Variants in DACH2 observed in about 807,000 individuals in gnomAD.
The protein encoded by DACH2 is dachshund homolog 2.
DACH2 carries 17 observed loss-of-function variants against 35.8 expected under a neutral mutation model. The ratio of observed to expected loss-of-function variants is 0.48; its 90% CI spans 0.33 to 0.71. DACH2 has a LOEUF of 0.71. DACH2 is among the 30% of genes least tolerant of loss of function. The pLI is 0.02. For missense variants in DACH2, 469 were observed against 472.7 expected, an observed-to-expected ratio of 0.99 and a Z score of 0.07; for synonymous variants, 195 against 177.3, an observed-to-expected ratio of 1.10 and a Z score of -0.79.
At chrX:86,433,433 A>G (rs1265907302) in intron 2 of DACH2, among the ~76,000 whole-genome samples, 3 of 111,877 alleles carry the variant, frequency 2.7e-5, no homozygotes, top group Admixed American at 9.6e-5. Flanking sequence ...TCCAAACAAA[A>G]TAATGTCCAG....
intron 1 of DACH2, among the ~76,000 whole-genome samples, chrX:86,274,276 T>C (rs1237745759): frequency 2.7e-5 from 3 of 110,053 alleles, no homozygotes; most frequent in Non-Finnish European, 5.7e-5. Flanking sequence ...TTGAACAAGA[T>C]AGGAAGCAAT....
chrX:86,244,249 A>T (rs1198140542), intron 1 of DACH2, among the ~76,000 whole-genome samples: 1 of 112,099 alleles, frequency 8.9e-6, no homozygotes, highest in African/African-American at 3.2e-5. Context: ...TGAACAGGGG[A>T]CAAAAGCCTT....
intron 2 of DACH2, among the ~76,000 whole-genome samples, chrX:86,437,995 T>A (rs999677740): frequency 9.1e-6 from 1 of 109,774 alleles, no homozygotes; most frequent in African/African-American, 3.3e-5. Flanking sequence ...CTAAGCCTAG[T>A]ACCCAATAGT....
At chrX:86,593,666 A>T (rs1303590060) in intron 3 of DACH2, among the ~76,000 whole-genome samples, 1 of 110,351 alleles carries the variant, frequency 9.1e-6, no homozygotes, top group Non-Finnish European at 1.9e-5. Context: ...ACCTCAAGTC[A>T]TCTGCCCGCC....
intron 1 of DACH2, among the ~76,000 whole-genome samples, chrX:86,336,996 A>G (rs2035323689): frequency 9.2e-6 from 1 of 109,059 alleles, no homozygotes. Context: ...GATCAACTTA[A>G]TGAAATAAAG....
At chrX:86,237,807 C>A (rs932625275) in intron 1 of DACH2, among the ~76,000 whole-genome samples, 2 of 111,826 alleles carry the variant, frequency 1.8e-5, no homozygotes, top group Non-Finnish European at 1.9e-5. Context: ...TGTGGCTGAA[C>A]CAGGCCTAAC....
intron 2 of DACH2, among the ~76,000 whole-genome samples, chrX:86,512,580 A>G (rs1444968291): frequency 1.8e-5 from 2 of 112,147 alleles, no homozygotes; most frequent in African/African-American, 6.5e-5. Context: ...TGGAGATAGC[A>G]CTGAGATGTT....
rs181341768 is a variant in DACH2 at position 86,166,566 on chromosome X, G to A, written c.488+17458G>A. On this transcript the variant is annotated intron_variant, in intron 1 of 11. Transcript: ENST00000373125. ...TGGCTGCCCTTTATATTTTTCTCTT[G>A]TCTGATTGCTCTAGCTAGGCCTTCC... Among the ~76,000 whole-genome samples, 391 of 110,524 alleles carry A rather than the reference G, an allele frequency of 3.5e-3. 1 individual carries two copies. Among genetic ancestry groups the A allele is most frequent in the African/African-American group, 0.012 (376 of 30,552 alleles).
intron 2 of DACH2, among the ~76,000 whole-genome samples, chrX:86,378,581 T>C (rs561488947): frequency 4.5e-5 from 5 of 111,046 alleles, no homozygotes; most frequent in African/African-American, 1.6e-4. Context: ...CATGAAATTC[T>C]CCAATTCTTA....
At chrX:86,523,257 G>A in intron 3 of DACH2, among the ~76,000 whole-genome samples, 1 of 111,313 alleles carries the variant, frequency 9.0e-6, no homozygotes, top group Non-Finnish European at 1.9e-5. Flanking sequence ...ATCTAGTGTT[G>A]ACAGTGTGAA....
intron 1 of DACH2, among the ~76,000 whole-genome samples, chrX:86,154,619 C>CT (rs1054823170): frequency 5.4e-5 from 6 of 111,703 alleles, no homozygotes; most frequent in African/African-American, 1.9e-4. Flanking sequence ...CTCTTTTACA[C>CT]TTTTTTCCAT....
At chrX:86,515,622 G>C (rs1178378830) in intron 3 of DACH2, among the ~76,000 whole-genome samples, 4 of 112,007 alleles carry the variant, frequency 3.6e-5, no homozygotes, top group Non-Finnish European at 7.5e-5. Context: ...TTAGACCAGT[G>C]GTTTCCAAAG....
intron 7 of DACH2, among the ~76,000 whole-genome samples, chrX:86,756,630 T>A (rs1274975076): frequency 9.0e-6 from 1 of 111,594 alleles, no homozygotes; most frequent in African/African-American, 3.3e-5. Flanking sequence ...TCTAAGATTT[T>A]TTGGTGAAAT....
chrX:86,828,220 G>T, intron 11 of DACH2: 1 of 119,993 alleles, frequency 8.3e-6, no homozygotes, highest in East Asian at 2.5e-4. Flanking sequence ...TGTCTGACCT[G>T]GTATTTAACA....
intron 3 of DACH2, among the ~76,000 whole-genome samples, chrX:86,532,770 T>C (rs2038741559): frequency 9.0e-6 from 1 of 111,248 alleles, no homozygotes; most frequent in South Asian, 3.8e-4. Flanking sequence ...CATAATAAGC[T>C]CATTCCTTTC....
chrX:86,718,967 T>C (rs1401260241), intron 6 of DACH2, among the ~76,000 whole-genome samples: 1 of 112,329 alleles, frequency 8.9e-6, no homozygotes, highest in African/African-American at 3.2e-5. Context: ...TTGTGCTCTT[T>C]TTTAGTTCCA....
At chrX:86,694,538 G>T (rs998627894) in intron 4 of DACH2, among the ~76,000 whole-genome samples, 1 of 112,248 alleles carries the variant, frequency 8.9e-6, no homozygotes, top group Admixed American at 9.5e-5. Context: ...ACTCTAGTGT[G>T]TATGAATAGA....
chrX:86,292,841 T>G (rs1331998236), intron 1 of DACH2, among the ~76,000 whole-genome samples: 4 of 109,334 alleles, frequency 3.7e-5, no homozygotes, highest in South Asian at 8.0e-4. Context: ...GAGCTTTACT[T>G]CCAAGTATGT....
In DACH2 at chrX:86,317,823, C is replaced by T. The variant is rs149895382; in HGVS notation, c.489-59001C>T. Among the ~76,000 whole-genome samples the T allele has an allele frequency of 6.4e-3, 710 of 110,966 alleles. 9 individuals carry two copies. The highest frequency in any genetic ancestry group is 0.022 in the African/African-American group (661 of 30,529). On this transcript the variant is annotated intron_variant, in intron 1 of 11. Coordinates refer to ENST00000373125, the MANE Select transcript of DACH2 (RefSeq NM_053281.3). ...TTCTTTTTTCTTGAGGTTCCAAGAGCGTGGGGTTCCTAGGCCTGTTAGTGA... is the reference window on the plus strand; with the variant it reads ...TTCTTTTTTCTTGAGGTTCCAAGAGTGTGGGGTTCCTAGGCCTGTTAGTGA...
Sources: allele counts gnomAD v4.1 joint callset (sites outside exome capture counted in the v4.1 genomes callset), GRCh38; gene constraint gnomAD v4.1.1; transcripts MANE v1.5; gene names NCBI Gene and HGNC (gene_info 2026-07-23, HGNC 2026-07-21).